The following SBNO2 variants were observed in gnomAD, a reference collection of about 807,000 sequenced individuals.
SBNO2 encodes strawberry notch homolog 2.
Under a neutral mutation model 146.3 loss-of-function variants are expected in SBNO2, and 89 were observed. The ratio of observed to expected loss-of-function variants is 0.61; its 90% CI spans 0.51 to 0.73. The LOEUF is 0.73. Ranked by LOEUF, SBNO2 falls within the 30% of genes least tolerant of loss-of-function variation. The pLI is 0.00. For missense variants in SBNO2, 2,092 were observed against 2,003.7 expected (o/e 1.04, Z -0.84); for synonymous variants, 1,147 against 892.6 (o/e 1.29, Z -5.08).
At chr19:1,148,241 G>A (rs1184608189) in intron 3 of SBNO2, among the ~76,000 whole-genome samples, 1 of 152,058 alleles carries the variant, frequency 6.6e-6, no homozygotes, top group Non-Finnish European at 1.5e-5. Context: ...CCGCCTGGGG[G>A]CCACTCTCCT....
rs2080504448 is a variant in SBNO2 at position 1,173,835 on chromosome 19, G to A, written c.-127+337C>T. The A allele has an allele frequency of 6.6e-6, 1 of 151,972 alleles. No individual in the cohort carries two copies. The highest frequency in any genetic ancestry group is 1.5e-5 in the Non-Finnish European group (1 of 68,146). The allele number at this position is 151,972 out of a possible 1,614,324, so 9.4% of individuals were successfully genotyped here. On this transcript the variant is annotated intron_variant, in intron 1 of 31. Coordinates refer to ENST00000361757, the MANE Select transcript of SBNO2 (RefSeq NM_014963.3). The surrounding 1 kb of genome is among the most constrained non-coding windows in gnomAD (Gnocchi z 4.7). ...GGGTCACCAAGCTGCGCGGTACAGGGAGTCACCCGGAAGAGCGGGAAGGAA... is the reference window on the plus strand; with the variant it reads ...GGGTCACCAAGCTGCGCGGTACAGGAAGTCACCCGGAAGAGCGGGAAGGAA...
rs779196781 is a variant in SBNO2 at position 1,112,782 on chromosome 19, C to G, written c.2379+36G>C. 4 of 1,534,040 alleles carry G rather than the reference C, an allele frequency of 2.6e-6. No homozygotes were observed. Among genetic ancestry groups the G allele is most frequent in the African/African-American group, 1.4e-5 (1 of 72,446 alleles). ...TTGGGCCCCTCTGTGCCTCTTGGGT[C>G]CCGTGGGCCGCGCCCAGTGCACTGC... On this transcript the variant is annotated intron_variant, in intron 20 of 31. Coordinates refer to ENST00000361757, the MANE Select transcript of SBNO2 (RefSeq NM_014963.3). This position sits in a 1 kb window ranked among gnomAD's most constrained non-coding sequence, Gnocchi z 5.9.
At chr19:1,139,949 C>G (rs2080119773) in intron 4 of SBNO2, among the ~76,000 whole-genome samples, 1 of 151,366 alleles carries the variant, frequency 6.6e-6, no homozygotes, top group African/African-American at 2.4e-5. Context: ...AACTCCATCT[C>G]AAAACAAAAC....
chr19:1,154,425 C>T (rs577328509), intron 1 of SBNO2, 23 bp from the exon 2 acceptor site: 2 of 402,688 alleles, frequency 5.0e-6, no homozygotes, highest in African/African-American at 2.1e-5. Context: ...ACGGGGACGT[C>T]CTGAGAGTCC....
intron 11 of SBNO2, among the ~76,000 whole-genome samples, chr19:1,121,864 G>A (rs1756709226): frequency 6.6e-6 from 1 of 152,170 alleles, no homozygotes; most frequent in Admixed American, 6.5e-5. Flanking sequence ...ATGGTCACTT[G>A]TGTGGTACCC....
rs1228081458 is a variant in SBNO2 at position 1,150,197 on chromosome 19, C to A, written c.94-755G>T. Among the ~76,000 whole-genome samples the A allele has an allele frequency of 1.3e-5, 2 of 152,152 alleles. No individual in the cohort carries two copies. The highest frequency in any genetic ancestry group is 3.9e-4 in the East Asian group (2 of 5,180). On this transcript the variant is annotated intron_variant, in intron 2 of 31. Transcript: ENST00000361757. This position sits in a 1 kb window ranked among gnomAD's most constrained non-coding sequence, Gnocchi z 6.2. The stretch of plus-strand genomic sequence containing the variant: ...CCCACCCCATGGTTCTCTGGGAAAA[C>A]CTCACTATGCCTGCCCTTGGGAATG...
Position 1,113,606 on chromosome 19 carries a change from C to A in SBNO2, c.2176G>T (p.Gly726Cys), listed in dbSNP as rs771108942. The A allele has an allele frequency of 6.3e-7, 1 of 1,597,936 alleles. No individual in the cohort carries two copies. The highest frequency in any genetic ancestry group is 1.8e-5 in the Admixed American group (1 of 56,990). Reference sequence around the variant, plus strand: ...AGGGTGTTGACTGGCAGTTCCCGGCCCAGCCGCCGCACTTTGTCCAGCAGA... The same window carrying A: ...AGGGTGTTGACTGGCAGTTCCCGGCACAGCCGCCGCACTTTGTCCAGCAGA... ...QDLLDKVRRLGRELPVNTLDE... is the reference protein window; with the variant it reads ...QDLLDKVRRLCRELPVNTLDE... Residue 726 changes from glycine to cysteine, a missense_variant, in exon 19 of 32, where the codon GGC becomes TGC. Coordinates refer to ENST00000361757, the MANE Select transcript of SBNO2 (RefSeq NM_014963.3).
In SBNO2 at chr19:1,173,819, A is replaced by G. The variant is rs2080504236; in HGVS notation, c.-127+353T>C. On this transcript the variant is annotated intron_variant, in intron 1 of 31. Coordinates refer to ENST00000361757, the MANE Select transcript of SBNO2 (RefSeq NM_014963.3). This position sits in a 1 kb window ranked among gnomAD's most constrained non-coding sequence, Gnocchi z 4.7. ...GAAAACGAAAGGTCGGGGGTCACCA[A>G]GCTGCGCGGTACAGGGAGTCACCCG... The G allele has an allele frequency of 6.6e-6, 1 of 151,094 alleles. No individual in the cohort carries two copies. The highest frequency in any genetic ancestry group is 2.4e-5 in the African/African-American group (1 of 40,856). The allele number at this position is 151,094 out of a possible 1,614,324, so 9.4% of individuals were successfully genotyped here. A position where few individuals can be genotyped will look rare whatever the true frequency, so the allele number is the denominator to read the frequency against.
chr19:1,121,214 G>C (rs1288501579), intron 11 of SBNO2, among the ~76,000 whole-genome samples: 1 of 152,218 alleles, frequency 6.6e-6, no homozygotes, highest in Admixed American at 6.5e-5. Context: ...TAAGACGAAA[G>C]AAAGCCAAGT....
intron 1 of SBNO2, among the ~76,000 whole-genome samples, chr19:1,160,831 G>A (rs182869146): frequency 1.2e-3 from 189 of 152,134 alleles, no homozygotes; most frequent in African/African-American, 3.9e-3. Flanking sequence ...GGCCCGGCCC[G>A]AATGGAAATC....
At chr19:1,146,339 C>G (rs944551681) in intron 4 of SBNO2, among the ~76,000 whole-genome samples, 1 of 152,122 alleles carries the variant, frequency 6.6e-6, no homozygotes, top group African/African-American at 2.4e-5. Flanking sequence ...GGGGTCCACC[C>G]GGCGAGCTGT....
chr19:1,130,671 A>C (rs1245464703), intron 4 of SBNO2, among the ~76,000 whole-genome samples: 1 of 151,284 alleles, frequency 6.6e-6, no homozygotes, highest in Non-Finnish European at 1.5e-5. Context: ...ATGTGCCTGC[A>C]GTCCCAGCTA....
At position 1,112,185 on chromosome 19, in the gene SBNO2, T is replaced by TCA; in HGVS notation, c.2628+2_2628+3dup. Reference sequence around the variant, plus strand: ...GGTTCTCAGCCCCACCCCCACCTGCTCACCAGACTCTCCAGGCGCTTGGCC... The same window carrying TCA: ...GGTTCTCAGCCCCACCCCCACCTGCTCACACCAGACTCTCCAGGCGCTTGGCC... On this transcript the variant is annotated splice_donor_region_variant and intron_variant, in intron 22 of 31. Coordinates refer to ENST00000361757, the MANE Select transcript of SBNO2 (RefSeq NM_014963.3). This position sits in a 1 kb window ranked among gnomAD's most constrained non-coding sequence, Gnocchi z 5.9. 6.3e-7 allele frequency: 1 copy of TCA among 1,583,536 alleles called. No individual in the cohort carries two copies. The highest frequency in any genetic ancestry group is 8.6e-7 in the Non-Finnish European group (1 of 1,164,490).
At chr19:1,172,802 C>A (rs574385072) in intron 1 of SBNO2, among the ~76,000 whole-genome samples, 90 of 135,402 alleles carry the variant, frequency 6.6e-4, no homozygotes, top group African/African-American at 2.5e-3. Flanking sequence ...GGCAAACTGG[C>A]AGCCAGCATC....
intron 1 of SBNO2, among the ~76,000 whole-genome samples, chr19:1,170,094 C>T (rs945474694): frequency 3.3e-5 from 5 of 152,230 alleles, no homozygotes; most frequent in South Asian, 2.1e-4. Context: ...GGCGTCTCTC[C>T]GCAAGCACGT....
In SBNO2 at chr19:1,114,276, C is replaced by T. The variant is rs1158247590; in HGVS notation, c.2032G>A (p.Asp678Asn). 3.2e-6 allele frequency: 5 copies of T among 1,547,752 alleles called. No homozygotes were observed. Among genetic ancestry groups the T allele is most frequent in the East Asian group, 4.9e-5 (2 of 40,454 alleles). ...NSSPESLVDD[D>N]VVIVDAVGLP... ...CCGACTGCATCAACGATGACAACGT[C>T]GTCATCCACCAGGGACTCGGGGGAG... The change falls in exon 18 of 32, where the codon GAC (aspartate) becomes AAC (asparagine). Residue 678 changes from aspartate (D) to asparagine (N), a missense_variant. Coordinates refer to ENST00000361757, the MANE Select transcript of SBNO2 (RefSeq NM_014963.3).
chr19:1,170,414 G>A (rs1049632432), intron 1 of SBNO2, among the ~76,000 whole-genome samples: 6 of 152,140 alleles, frequency 3.9e-5, no homozygotes, highest in Admixed American at 6.5e-5. Flanking sequence ...GTGCAGAGGC[G>A]AGGGGCAAGG....
chr19:1,131,891 G>A (rs560426544), intron 4 of SBNO2, among the ~76,000 whole-genome samples: 5 of 152,200 alleles, frequency 3.3e-5, no homozygotes, highest in Admixed American at 2.6e-4. Flanking sequence ...TCTCTGCCTC[G>A]GAACCTTCCG....
At chr19:1,171,336 AC>A (rs769852667) in intron 1 of SBNO2, among the ~76,000 whole-genome samples, 3 of 151,396 alleles carry the variant, frequency 2.0e-5, no homozygotes, top group African/African-American at 2.4e-5. Context: ...AAGAATACAC[AC>A]ATCCATACAA....
Sources: allele counts gnomAD v4.1 joint callset (sites outside exome capture counted in the v4.1 genomes callset), GRCh38; gene constraint gnomAD v4.1.1; non-coding constraint Gnocchi (gnomAD v3.1); transcripts MANE v1.5; gene names NCBI Gene and HGNC (gene_info 2026-07-23, HGNC 2026-07-21).